The following ATP11C variants were observed in gnomAD, a reference collection of about 807,000 sequenced individuals.
ATP11C encodes ATPase phospholipid transporting 11C (ATP11C blood group).
A neutral mutation model predicts 97.4 loss-of-function variants in ATP11C; 36 were observed. The observed-to-expected ratio is 0.37, with a 90% CI of 0.28 to 0.49. The LOEUF is 0.49. Among genes scored for constraint, ATP11C ranks in the 20% least tolerant of loss-of-function variants. The pLI, the probability that ATP11C is intolerant of heterozygous loss-of-function variation, is 0.98. For synonymous variants in ATP11C, 275 were observed against 290.9 expected, an observed-to-expected ratio of 0.95 and a Z score of 0.56; for missense variants, 730 against 824.6, an observed-to-expected ratio of 0.89 and a Z score of 1.40.
chrX:139,890,916 A>T (rs2084717576), intron 1 of ATP11C, among the ~76,000 whole-genome samples: 1 of 111,401 alleles, frequency 9.0e-6, no homozygotes, highest in Non-Finnish European at 1.9e-5. Context: ...CAACCACTCC[A>T]GGCAGTGGGA....
rs186152003 is a variant in ATP11C at position 139,791,267 on chromosome X, T to C, written c.1207-1779A>G. 3.4e-3 allele frequency among the ~76,000 whole-genome samples: 376 copies of C among 111,597 alleles called. 1 individual carries two copies. Among genetic ancestry groups the C allele is most frequent in the Non-Finnish European group, 5.1e-3 (271 of 53,105 alleles). On this transcript the variant is annotated intron_variant, in intron 12 of 29. Coordinates refer to ENST00000682941, the MANE Select transcript of ATP11C (RefSeq NM_001353812.2). Reference sequence around the variant, plus strand: ...TTCTTCCAGTTTAAATGAAATTCTTTGGGGCTTTTTTCTGATCAAAATTAT... The same window carrying C: ...TTCTTCCAGTTTAAATGAAATTCTTCGGGGCTTTTTTCTGATCAAAATTAT...
At chrX:139,731,342 C>G (rs1280361272) in intron 29 of ATP11C, among the ~76,000 whole-genome samples, 3 of 112,084 alleles carry the variant, frequency 2.7e-5, no homozygotes, top group Middle Eastern at 4.6e-3. Flanking sequence ...TCAATATTAA[C>G]AAACATTTTC....
At chrX:139,778,629 G>A (rs977136536) in intron 18 of ATP11C, among the ~76,000 whole-genome samples, 1 of 111,633 alleles carries the variant, frequency 9.0e-6, no homozygotes, top group Non-Finnish European at 1.9e-5. Flanking sequence ...ATGAGTTCGA[G>A]ACCAGCCTGG....
chrX:139,889,211 A>G (rs2485726), intron 1 of ATP11C, among the ~76,000 whole-genome samples: 5,934 of 111,996 alleles, frequency 0.053, 385 homozygotes, highest in African/African-American at 0.18. Context: ...TTATAGTGTT[A>G]TCTCTTTAAT....
intron 23 of ATP11C, 63 bp from the exon 24 acceptor site, chrX:139,750,215 A>T: frequency 1.9e-6 from 2 of 1,042,872 alleles, no homozygotes; most frequent in Non-Finnish European, 2.6e-6. Flanking sequence ...ACAAGATGAT[A>T]CTTATGTATG....
intron 21 of ATP11C, among the ~76,000 whole-genome samples, chrX:139,762,549 A>T (rs1436896170): frequency 9.0e-6 from 1 of 111,402 alleles, no homozygotes; most frequent in Non-Finnish European, 1.9e-5. Context: ...TAGCAGCGCA[A>T]GGGTTCTATG....
chrX:139,842,040 TTTTGC>T (rs200988977), intron 1 of ATP11C, among the ~76,000 whole-genome samples: 1,503 of 111,963 alleles, frequency 0.013, 29 homozygotes, highest in African/African-American at 0.046. Flanking sequence ...TTTTGTTTTG[TTTTGC>T]TTTTTTGAGA....
At chrX:139,802,390 A>C (rs1367992800) in intron 6 of ATP11C, 51 bp from the exon 7 acceptor site, 1 of 772,489 alleles carries the variant, frequency 1.3e-6, no homozygotes, top group Admixed American at 2.3e-5. Context: ...TTCTTTTCAT[A>C]ATCATACACC....
At chrX:139,920,165 T>C (rs1318922029) in intron 1 of ATP11C, among the ~76,000 whole-genome samples, 2 of 109,842 alleles carry the variant, frequency 1.8e-5, no homozygotes, top group Non-Finnish European at 3.8e-5. Context: ...AAGACCAGCC[T>C]AGCCAACATA....
chrX:139,756,890 CAAAAT>C (rs1390749436), intron 23 of ATP11C, among the ~76,000 whole-genome samples: 1 of 91,143 alleles, frequency 1.1e-5, no homozygotes, highest in Non-Finnish European at 2.1e-5. Flanking sequence ...ACCTGGGTGA[CAAAAT>C]AAACTGAACA....
In ATP11C at chrX:139,745,838, T is replaced by C. The variant is rs745623704; in HGVS notation, c.2848A>G (p.Met950Val). 4 of 1,200,574 alleles carry C rather than the reference T, an allele frequency of 3.3e-6. No homozygotes were observed. Among genetic ancestry groups the C allele is most frequent in the Admixed American group, 2.2e-5 (1 of 44,462 alleles). ...RLYMKISGNA[M>V]LQLGPFLYWT... ...TATAAGAAGGGGCCCAACTGTAGCA[T>C]GGCATTGCCAGAAATTTTCCTATTG... The change falls in exon 25 of 30, where the codon ATG becomes GTG. Residue 950 changes from methionine (M) to valine (V), a missense_variant. Coordinates refer to ENST00000682941, the MANE Select transcript of ATP11C (RefSeq NM_001353812.2).
rs182362853 is a variant in ATP11C, at chrX:139,815,063, G to A, written c.319-78C>T. 3.0e-3 allele frequency: 1,568 copies of A among 515,598 alleles called. 3 individuals carry two copies. Among genetic ancestry groups the A allele is most frequent in the Non-Finnish European group, 4.3e-3 (1,354 of 315,386 alleles). The allele number at this position is 515,598 out of a possible 1,213,427, so 42.5% of individuals were successfully genotyped here. On this transcript the variant is annotated intron_variant, in intron 4 of 29. Transcript: ENST00000682941. ...TTAATAAATTTCTATATCCTCCCAT[G>A]AGTCAACACCAAATATTTATAATTA...
intron 14 of ATP11C, among the ~76,000 whole-genome samples, chrX:139,787,547 C>G (rs1234843868): frequency 8.9e-6 from 1 of 112,690 alleles, no homozygotes; most frequent in Non-Finnish European, 1.9e-5. Context: ...ATCCACCCGC[C>G]TTGGCCTCCC....
chrX:139,866,093 A>C (rs1323455239), intron 1 of ATP11C, among the ~76,000 whole-genome samples: 2 of 110,665 alleles, frequency 1.8e-5, no homozygotes, highest in Admixed American at 9.7e-5. Flanking sequence ...TGCCTGTAAT[A>C]GCAGCACTTT....
At chrX:139,887,711 T>G (rs1228948148) in intron 1 of ATP11C, among the ~76,000 whole-genome samples, 1 of 111,176 alleles carries the variant, frequency 9.0e-6, no homozygotes, top group African/African-American at 3.3e-5. Flanking sequence ...GGCTCACACC[T>G]GTAATCCCAG....
At chrX:139,757,262 A>C in intron 23 of ATP11C, among the ~76,000 whole-genome samples, 1 of 111,668 alleles carries the variant, frequency 9.0e-6, no homozygotes, top group East Asian at 2.8e-4. Context: ...AAGCAATGCC[A>C]AATCCATTTC....
intron 23 of ATP11C, among the ~76,000 whole-genome samples, chrX:139,750,830 G>C: frequency 9.0e-6 from 1 of 111,467 alleles, no homozygotes; most frequent in Admixed American, 9.5e-5. Flanking sequence ...GGATAGATCG[G>C]AAGCTATAAC....
At chrX:139,731,576 G>A (rs1288224387) in intron 29 of ATP11C, 75 bp downstream of exon 29, 10 of 578,002 alleles carry the variant, frequency 1.7e-5, no homozygotes, top group Non-Finnish European at 2.3e-5. Context: ...TTTAGAGAGT[G>A]ATATTTTCAT....
At chrX:139,856,649 TGGAGTCCCACGG>T (rs1423960843) in intron 1 of ATP11C, among the ~76,000 whole-genome samples, 2 of 112,334 alleles carry the variant, frequency 1.8e-5, no homozygotes, top group African/African-American at 6.5e-5. Context: ...TAGATGCAAT[TGGAGTCCCACGG>T]GGAATACCAG....
Sources: allele counts gnomAD v4.1 joint callset (sites outside exome capture counted in the v4.1 genomes callset), GRCh38; gene constraint gnomAD v4.1.1; transcripts MANE v1.5; gene names NCBI Gene and HGNC (gene_info 2026-07-23, HGNC 2026-07-21).